The following ABI3BP variants were observed in gnomAD, a reference collection of about 807,000 sequenced individuals.
ABI3BP encodes the protein target of Nesh-SH3.
ABI3BP carries 216 observed loss-of-function variants against 268.6 expected under a neutral mutation model. That is an observed-to-expected ratio of 0.80 (90% CI 0.72 to 0.90). The LOEUF is 0.90. Ranked by LOEUF, ABI3BP falls within the 40% of genes least tolerant of loss-of-function variation. The probability of loss-of-function intolerance (pLI) is 0.00; values close to 1 mark genes in which losing one functional copy is unlikely to be tolerated. For missense variants in ABI3BP, 2,090 were observed against 2,182.4 expected (o/e 0.96, Z 0.84); for synonymous variants, 730 against 730.0 (o/e 1.00, Z 0.00).
At chr3:100,807,822 G>T (rs530733821) in intron 50 of ABI3BP, among the ~76,000 whole-genome samples, 1 of 152,156 alleles carries the variant, frequency 6.6e-6, no homozygotes, top group South Asian at 2.1e-4. Context: ...ATTGGCAGAA[G>T]GAAGCACATT....
Position 100,828,469 on chromosome 3 carries a change from A to G in ABI3BP, c.2543-17T>C. Reference sequence around the variant, plus strand: ...TAGCAGGAACTGGCCAAAAATAATAAAAATAAAACACCAACAAAACATTAA... The same window carrying G: ...TAGCAGGAACTGGCCAAAAATAATAGAAATAAAACACCAACAAAACATTAA... On this transcript the variant is annotated splice_polypyrimidine_tract_variant and intron_variant, in intron 33 of 67. Transcript: ENST00000471714. 6.6e-7 allele frequency: 1 copy of G among 1,522,984 alleles called. No individual in the cohort carries two copies. Among genetic ancestry groups the G allele is most frequent in the Non-Finnish European group, 8.8e-7 (1 of 1,136,996 alleles). 94.3% of individuals were successfully genotyped at this position (1,522,984 alleles called of 1,614,324 possible). A position where few individuals can be genotyped will look rare whatever the true frequency, so the allele number is the denominator to read the frequency against.
At chr3:100,835,731 ATCT>A (rs2098570380) in intron 27 of ABI3BP, 71 bp from the exon 28 acceptor site, 1 of 1,229,082 alleles carries the variant, frequency 8.1e-7, no homozygotes, top group Non-Finnish European at 1.1e-6. Flanking sequence ...TTGAAAATGA[ATCT>A]TCTTAACCCT....
At chr3:100,953,695 T>G (rs747227985) in intron 1 of ABI3BP, among the ~76,000 whole-genome samples, 1 of 152,142 alleles carries the variant, frequency 6.6e-6, no homozygotes, top group Non-Finnish European at 1.5e-5. Context: ...TTTCTTGAAT[T>G]TTGAGGGAGT....
At chr3:100,825,048 T>G in intron 35 of ABI3BP, 107 bp from the exon 36 acceptor site, 1 of 903,958 alleles carries the variant, frequency 1.1e-6, no homozygotes, top group South Asian at 1.9e-5. Context: ...GAAACTTTAG[T>G]TGTTTTTAGT....
intron 67 of ABI3BP, 129 bp from the exon 68 acceptor site, chr3:100,750,739 G>A (rs2095265335): frequency 7.8e-6 from 5 of 640,724 alleles, no homozygotes; most frequent in Non-Finnish European, 1.0e-5. Flanking sequence ...TTAGAAAACT[G>A]AGAGCAAGAA....
At chr3:100,793,422 G>C (rs963704003) in intron 54 of ABI3BP, among the ~76,000 whole-genome samples, 8 of 151,840 alleles carry the variant, frequency 5.3e-5, no homozygotes, top group African/African-American at 1.9e-4. Flanking sequence ...TTTGTTTTCT[G>C]TCCTGCTTTT....
Position 100,841,980 on chromosome 3 carries a change from T to TA in ABI3BP, c.1765+17dup. 3.9e-6 allele frequency: 6 copies of TA among 1,522,810 alleles called. No homozygotes were observed. Among genetic ancestry groups the TA allele is most frequent in the African/African-American group, 1.4e-5 (1 of 72,590 alleles). 94.3% of individuals were successfully genotyped at this position (1,522,810 alleles called of 1,614,324 possible). A position where few individuals can be genotyped will look rare whatever the true frequency, so the allele number is the denominator to read the frequency against. The stretch of plus-strand genomic sequence containing the variant: ...TTAAAGATACTTTGTTTTCACTCAT[T>TA]AAAAAAAGCTTTATTACCTATTGTT... On this transcript the variant is annotated intron_variant, in intron 21 of 67. Transcript: ENST00000471714.
intron 57 of ABI3BP, among the ~76,000 whole-genome samples, chr3:100,784,479 A>G (rs1340208748): frequency 6.6e-6 from 1 of 152,216 alleles, no homozygotes; most frequent in East Asian, 1.9e-4. Context: ...GAGATTCCTT[A>G]AAGAACTAAT....
chr3:100,819,947 CAAAAAAAAAAA>C (rs3029879), intron 40 of ABI3BP, among the ~76,000 whole-genome samples: 1 of 94,628 alleles, frequency 1.1e-5, no homozygotes, highest in Non-Finnish European at 2.2e-5. Context: ...GACTCCGTCT[CAAAAAAAAAAA>C]AAAAAAAAAA....
At chr3:100,904,007 C>G (rs115847611) in intron 2 of ABI3BP, among the ~76,000 whole-genome samples, 210 of 152,312 alleles carry the variant, frequency 1.4e-3, no homozygotes, top group African/African-American at 4.7e-3. Flanking sequence ...GGACCCAAAT[C>G]AAATCAACAA....
At chr3:100,754,781 G>T in intron 63 of ABI3BP, 90 bp from the exon 64 acceptor site, 1 of 1,029,422 alleles carries the variant, frequency 9.7e-7, no homozygotes, top group Non-Finnish European at 1.5e-6. Context: ...CCACTATACT[G>T]ACATCCCTTT....
rs2098551316 is a variant in ABI3BP, at chr3:100,834,871, G to A, written c.2192-98C>T. The A allele has an allele frequency of 4.4e-6, 5 of 1,143,624 alleles. No individual in the cohort carries two copies. In the South Asian group the frequency reaches 6.3e-5, roughly 14 times the overall value. The allele number at this position is 1,143,624 out of a possible 1,614,324, so 70.8% of individuals were successfully genotyped here. A position where few individuals can be genotyped will look rare whatever the true frequency, so the allele number is the denominator to read the frequency against. On this transcript the variant is annotated intron_variant, in intron 28 of 67. Transcript: ENST00000471714. ...GTTTTCTAAAGTTTTCCTAAGTCTT[G>A]AGAAATTTGTCTCTTTGGTTTAGAA...
chr3:100,766,025 TA>T (rs969652479), intron 62 of ABI3BP, 76 bp from the exon 63 acceptor site: 1 of 1,080,324 alleles, frequency 9.3e-7, no homozygotes, highest in Non-Finnish European at 1.4e-6. Context: ...GCTAATAGCA[TA>T]AAAAAGCCAC....
At chr3:100,859,492 T>C (rs1378993069) in intron 14 of ABI3BP, among the ~76,000 whole-genome samples, 2 of 152,180 alleles carry the variant, frequency 1.3e-5, no homozygotes, top group Non-Finnish European at 2.9e-5. Flanking sequence ...CTCAAAATAG[T>C]TGCTTTAGGA....
At chr3:100,750,909 T>C (rs1416037931) in intron 67 of ABI3BP, among the ~76,000 whole-genome samples, 1 of 152,188 alleles carries the variant, frequency 6.6e-6, no homozygotes, top group East Asian at 1.9e-4. Context: ...TTCAGTATTG[T>C]TGGTATTTTT....
At chr3:100,811,347 C>T in intron 47 of ABI3BP, 70 bp from the exon 48 acceptor site, 2 of 1,127,176 alleles carry the variant, frequency 1.8e-6, no homozygotes, top group Non-Finnish European at 2.5e-6. Flanking sequence ...TTTTGAATAT[C>T]AAATTTTATT....
intron 1 of ABI3BP, among the ~76,000 whole-genome samples, chr3:100,966,715 A>G (rs2081428923): frequency 6.6e-6 from 1 of 152,236 alleles, no homozygotes; most frequent in South Asian, 2.1e-4. Context: ...CCCCTGATCC[A>G]TCACACATGA....
chr3:100,778,711 A>G (rs2150219906), intron 58 of ABI3BP: 1 of 241,306 alleles, frequency 4.1e-6, no homozygotes, highest in Admixed American at 5.5e-5. Context: ...CCACAATAAA[A>G]ATAACAATAC....
intron 1 of ABI3BP, among the ~76,000 whole-genome samples, chr3:100,981,623 C>T (rs1024405448): frequency 3.3e-5 from 5 of 152,134 alleles, no homozygotes. Flanking sequence ...GACCAAAGAC[C>T]ACAACTTGTA....
Sources: gnomAD v4.1 joint callset for allele counts (sites outside exome capture counted in the v4.1 genomes callset) on GRCh38, gnomAD v4.1.1 for gene constraint, MANE v1.5 for transcripts, NCBI Gene and HGNC (gene_info 2026-07-23, HGNC 2026-07-21) for gene names.